CDH8: variants seen among roughly 807,000 people sequenced by gnomAD.
The protein encoded by CDH8 is cadherin 8.
Under a neutral mutation model 68.1 loss-of-function variants are expected in CDH8, and 17 were observed. The ratio of observed to expected loss-of-function variants is 0.25; its 90% CI spans 0.17 to 0.37. The LOEUF is 0.37. CDH8 is among the 10% of genes least tolerant of loss of function. The pLI is 1.00. For synonymous variants in CDH8, 372 were observed against 365.1 expected, an observed-to-expected ratio of 1.02 and a Z score of -0.21; for missense variants, 763 against 999.3, an observed-to-expected ratio of 0.76 and a Z score of 3.19.
chr16:62,019,621 C>G (rs765841489), intron 2 of CDH8, among the ~76,000 whole-genome samples: 7 of 152,140 alleles, frequency 4.6e-5, no homozygotes, highest in Non-Finnish European at 1.0e-4. Context: ...AATATATGAA[C>G]AGTCACAATT....
At chr16:61,981,650 G>GTC (rs1555526812) in intron 2 of CDH8, among the ~76,000 whole-genome samples, 1 of 114,294 alleles carries the variant, frequency 8.7e-6, no homozygotes, top group Non-Finnish European at 1.8e-5. Flanking sequence ...TGAAAAGAAT[G>GTC]TGTGTGTGTG....
At chr16:61,804,136 A>G (rs1448555366) in intron 7 of CDH8, among the ~76,000 whole-genome samples, 1 of 145,934 alleles carries the variant, frequency 6.9e-6, no homozygotes, top group East Asian at 1.9e-4. Flanking sequence ...TCACAGTGCA[A>G]TCAAACTAGA....
At chr16:61,797,463 A>G (rs1162199104) in intron 7 of CDH8, among the ~76,000 whole-genome samples, 2 of 152,116 alleles carry the variant, frequency 1.3e-5, no homozygotes, top group Non-Finnish European at 2.9e-5. Context: ...TTCTACTGCA[A>G]TTTGTGCGAA....
At chr16:61,867,447 T>C (rs943194899) in intron 3 of CDH8, among the ~76,000 whole-genome samples, 1 of 152,154 alleles carries the variant, frequency 6.6e-6, no homozygotes, top group African/African-American at 2.4e-5. Context: ...ACAGAAATAC[T>C]GAAGAATGCA....
chr16:61,878,811 A>G (rs1391576825), intron 3 of CDH8, among the ~76,000 whole-genome samples: 1 of 152,204 alleles, frequency 6.6e-6, no homozygotes, highest in Non-Finnish European at 1.5e-5. Context: ...TAGGATGTGC[A>G]GAGAAGGAAA....
At chr16:61,658,581 T>G (rs1417452760) in intron 10 of CDH8, among the ~76,000 whole-genome samples, 3 of 152,080 alleles carry the variant, frequency 2.0e-5, no homozygotes, top group Non-Finnish European at 4.4e-5. Context: ...GTCTTTATTC[T>G]GTTTCAATAA....
intron 4 of CDH8, among the ~76,000 whole-genome samples, chr16:61,846,830 CTGTAATAAA>C (rs1962816148): frequency 6.6e-6 from 1 of 151,968 alleles, no homozygotes. Flanking sequence ...TTACATTCCA[CTGTAATAAA>C]TGAGAAGTCA....
chr16:61,779,360 A>C (rs72798720), intron 8 of CDH8, among the ~76,000 whole-genome samples: 20,446 of 151,796 alleles, frequency 0.13, 1,717 homozygotes, highest in Middle Eastern at 0.21. Context: ...AAGAACAAAC[A>C]AACCAACAAT....
intron 2 of CDH8, 136 bp downstream of exon 2, chr16:62,021,016 A>G (rs1171022775): frequency 2.2e-5 from 17 of 757,434 alleles, no homozygotes; most frequent in Non-Finnish European, 3.5e-5. Context: ...TCCTAACAGA[A>G]CGACAGGTAA....
intron 4 of CDH8, among the ~76,000 whole-genome samples, chr16:61,829,255 T>C (rs1403687746): frequency 1.3e-5 from 2 of 151,850 alleles, no homozygotes; most frequent in Non-Finnish European, 2.9e-5. Context: ...AACTGCCACC[T>C]TCCTTTGTTC....
At chr16:62,020,498 G>GCACACACA (rs3072068) in intron 2 of CDH8, among the ~76,000 whole-genome samples, 5 of 149,656 alleles carry the variant, frequency 3.3e-5, no homozygotes, top group African/African-American at 1.2e-4. Flanking sequence ...ACGCGCGCGC[G>GCACACACA]CACACACACA....
rs1964832921 is a variant in CDH8, at chr16:61,948,337, C to G, written c.253-46864G>C. Among the ~76,000 whole-genome samples, 3 of 152,106 alleles carry G rather than the reference C, an allele frequency of 2.0e-5. No homozygotes were observed. The South Asian group carries it at 6.2e-4, about 32-fold the overall frequency. On this transcript the variant is annotated intron_variant, in intron 2 of 11. Coordinates refer to ENST00000577390, the MANE Select transcript of CDH8 (RefSeq NM_001796.5). ...TCATGAAGTTGGAAGAAGTTGAGAA[C>G]ACAGCCAAAATCTAACATCATCTAG...
rs558134240 is a variant in CDH8 at position 62,020,798 on chromosome 16, G to A, written c.252+354C>T. Among the ~76,000 whole-genome samples the A allele has an allele frequency of 5.3e-5, 8 of 152,332 alleles. No homozygotes were observed. The South Asian group carries it at 6.2e-4, about 12-fold the overall frequency. ...AATTGAAGTGGTAGGAATTCAAACT[G>A]AGAAAATGTGCGTATCTCTTCCAAG... On this transcript the variant is annotated intron_variant, in intron 2 of 11. Transcript: ENST00000577390.
intron 8 of CDH8, among the ~76,000 whole-genome samples, chr16:61,737,237 T>C (rs891849376): frequency 2.6e-5 from 4 of 152,166 alleles, no homozygotes; most frequent in Admixed American, 2.6e-4. Flanking sequence ...ACTTGCCTTT[T>C]CAAGCTATAA....
intron 1 of CDH8, among the ~76,000 whole-genome samples, chr16:62,022,502 A>G (rs1463521138): frequency 6.6e-6 from 1 of 152,120 alleles, no homozygotes; most frequent in African/African-American, 2.4e-5. Flanking sequence ...TGTCAGATAC[A>G]TTTTTTGCTT....
rs529417626 is a variant in CDH8, at chr16:61,766,177, A to G, written c.1414+23169T>C. On this transcript the variant is annotated intron_variant, in intron 8 of 11. Transcript: ENST00000577390. ...CCCTTCTGAGTTTCCAATGTGTATT[A>G]TACCAGTCTAAATACCTTTGCATGC... Among the ~76,000 whole-genome samples, 4 of 142,292 alleles carry G rather than the reference A, an allele frequency of 2.8e-5. No homozygotes were observed. The East Asian group carries it at 6.9e-4, about 24-fold the overall frequency. 93.3% of individuals were successfully genotyped at this position (142,292 alleles called of 152,430 possible).
intron 7 of CDH8, among the ~76,000 whole-genome samples, chr16:61,803,956 C>T (rs1961729042): frequency 2.3e-5 from 3 of 130,058 alleles, no homozygotes; most frequent in Non-Finnish European, 4.8e-5. Context: ...CTCAGCTCTG[C>T]ACCAAGCGGA....
At chr16:62,002,226 A>G (rs1390665278) in intron 2 of CDH8, among the ~76,000 whole-genome samples, 16 of 152,338 alleles carry the variant, frequency 1.1e-4, no homozygotes, top group Non-Finnish European at 1.5e-5. Context: ...TGTAGAATGC[A>G]ATATTAGTTT....
chr16:62,012,373 G>T (rs1901834321), intron 2 of CDH8, among the ~76,000 whole-genome samples: 2 of 152,146 alleles, frequency 1.3e-5, no homozygotes, highest in Non-Finnish European at 2.9e-5. Context: ...ATTTAGCAAT[G>T]CAGAAAGATT....
Sources: gnomAD v4.1 joint callset for allele counts (sites outside exome capture counted in the v4.1 genomes callset) on GRCh38, gnomAD v4.1.1 for gene constraint, MANE v1.5 for transcripts, NCBI Gene and HGNC (gene_info 2026-07-23, HGNC 2026-07-21) for gene names.